BANK1: variants seen among roughly 807,000 people sequenced by gnomAD.
The protein encoded by BANK1 is B-cell scaffold protein with ankyrin repeats.
A neutral mutation model predicts 94.5 loss-of-function variants in BANK1; 95 were observed. The observed-to-expected ratio is 1.00, with a 90% CI of 0.85 to 1.19. BANK1 has a LOEUF of 1.19. BANK1 is among the 50% of genes most tolerant of loss of function. The pLI, the probability that BANK1 is intolerant of heterozygous loss-of-function variation, is 0.00. For missense variants in BANK1, 987 were observed against 932.2 expected (o/e 1.06, Z -0.77); for synonymous variants, 334 against 308.4 (o/e 1.08, Z -0.87).
chr4:101,791,150 G>A (rs1396433102), intron 1 of BANK1, among the ~76,000 whole-genome samples, 200 bp downstream of exon 1: 1 of 152,098 alleles, frequency 6.6e-6, no homozygotes, highest in South Asian at 2.1e-4. Context: ...GCATCTGGAC[G>A]CCACGAGGAG....
At chr4:102,056,622 G>A (rs1224859723) in intron 11 of BANK1, among the ~76,000 whole-genome samples, 2 of 151,780 alleles carry the variant, frequency 1.3e-5, no homozygotes, top group African/African-American at 2.4e-5. Context: ...GTATAATAAT[G>A]AGTGGCAGTT....
chr4:101,983,394 C>T (rs1330059045), intron 7 of BANK1, among the ~76,000 whole-genome samples: 1 of 152,062 alleles, frequency 6.6e-6, no homozygotes, highest in Non-Finnish European at 1.5e-5. Context: ...CACGTAGTAG[C>T]TGTTGTGACT....
intron 7 of BANK1, among the ~76,000 whole-genome samples, chr4:101,954,762 G>T (rs1006435938): frequency 6.6e-6 from 1 of 152,086 alleles, no homozygotes; most frequent in Non-Finnish European, 1.5e-5. Flanking sequence ...TGCAATTACT[G>T]AAACATAAGT....
chr4:101,897,863 G>C (rs948349724), intron 6 of BANK1, among the ~76,000 whole-genome samples: 1 of 151,590 alleles, frequency 6.6e-6, no homozygotes. Context: ...ATTGAATTTT[G>C]ACACAGAAAA....
chr4:101,840,029 C>T (rs1194062579), intron 2 of BANK1, among the ~76,000 whole-genome samples: 1 of 112,572 alleles, frequency 8.9e-6, no homozygotes, highest in East Asian at 2.9e-4. Context: ...AGTGCAGTGG[C>T]GGGATCTCGG....
At chr4:101,992,531 CAGTTCATAGAAACCATGTTAGAAA>C (rs1268906196) in intron 7 of BANK1, among the ~76,000 whole-genome samples, 34 of 152,222 alleles carry the variant, frequency 2.2e-4, no homozygotes, top group Middle Eastern at 3.4e-3. Context: ...ATGTGTGCAG[CAGTTCATAGAAACCATGTTAGAAA>C]AGTTCATAGA....
At chr4:102,071,617 T>C (rs1728765892) in intron 14 of BANK1, among the ~76,000 whole-genome samples, 1 of 152,220 alleles carries the variant, frequency 6.6e-6, no homozygotes, top group African/African-American at 2.4e-5. Flanking sequence ...TTTTCTCATA[T>C]GCAAAACGTA....
At chr4:102,039,342 T>C (rs1035824315) in intron 10 of BANK1, among the ~76,000 whole-genome samples, 3 of 152,140 alleles carry the variant, frequency 2.0e-5, no homozygotes, top group African/African-American at 7.2e-5. Context: ...TTGGTGAATT[T>C]GCAAAGAGGC....
intron 10 of BANK1, 142 bp from the exon 11 acceptor site, chr4:102,043,697 T>C: frequency 6.0e-6 from 3 of 502,766 alleles, no homozygotes; most frequent in Non-Finnish European, 7.2e-6. Context: ...AATTTGATAA[T>C]CTTCCTACTC....
chr4:101,986,604 T>C (rs1725488353), intron 7 of BANK1, among the ~76,000 whole-genome samples: 1 of 151,590 alleles, frequency 6.6e-6, no homozygotes, highest in African/African-American at 2.4e-5. Context: ...TTGGTAATTA[T>C]TATTATTATT....
intron 7 of BANK1, among the ~76,000 whole-genome samples, chr4:101,933,808 G>A (rs1199599473): frequency 3.3e-5 from 5 of 151,412 alleles, no homozygotes; most frequent in Non-Finnish European, 7.4e-5. Context: ...CAGATCTCAT[G>A]ACAGTGCTGA....
At chr4:101,978,534 G>C (rs1222400367) in intron 7 of BANK1, among the ~76,000 whole-genome samples, 1 of 151,904 alleles carries the variant, frequency 6.6e-6, no homozygotes. Context: ...TAATTACCAG[G>C]CATTCTTAAT....
chr4:101,913,101 T>C (rs563151229), intron 6 of BANK1, among the ~76,000 whole-genome samples: 1 of 152,318 alleles, frequency 6.6e-6, no homozygotes, highest in African/African-American at 2.4e-5. Flanking sequence ...CCAGCCCATC[T>C]GGTTTGTGCA....
In BANK1 at chr4:101,995,897, C is replaced by T. The variant is rs189076881; in HGVS notation, c.1207-25617C>T. On this transcript the variant is annotated intron_variant, in intron 7 of 16. Transcript: ENST00000322953. ...AAATTTTCTCCCATTCTGTAGGTTT[C>T]CTTTTCACTCTGATGATAGTTTTTT... 1.1e-3 allele frequency among the ~76,000 whole-genome samples: 166 copies of T among 152,188 alleles called. 1 individual carries two copies. Among genetic ancestry groups the T allele is most frequent in the African/African-American group, 4.0e-3 (165 of 41,528 alleles).
chr4:101,820,597 TTA>T (rs1452431148), intron 1 of BANK1, among the ~76,000 whole-genome samples: 4 of 152,298 alleles, frequency 2.6e-5, no homozygotes, highest in Non-Finnish European at 5.9e-5. Flanking sequence ...TACCCAATAG[TTA>T]TCTTTTCTGC....
intron 12 of BANK1, chr4:102,062,727 A>G: frequency 4.4e-6 from 1 of 228,072 alleles, no homozygotes; most frequent in Non-Finnish European, 8.8e-6. Context: ...TAGCCAATAC[A>G]GACCCCACAA....
intron 7 of BANK1, among the ~76,000 whole-genome samples, chr4:101,999,728 T>C (rs1032216260): frequency 2.0e-5 from 3 of 152,082 alleles, no homozygotes; most frequent in African/African-American, 4.8e-5. Flanking sequence ...GAGCTAAGTA[T>C]AGAATGTAAA....
intron 7 of BANK1, among the ~76,000 whole-genome samples, chr4:101,942,482 A>G (rs904580247): frequency 6.6e-6 from 1 of 151,916 alleles, no homozygotes; most frequent in African/African-American, 2.4e-5. Context: ...AATAACATGA[A>G]TAAGTGCACA....
In BANK1 at chr4:101,906,784, C is replaced by A. The variant is rs188344256; in HGVS notation, c.1010-11209C>A. 1.0e-3 allele frequency among the ~76,000 whole-genome samples: 156 copies of A among 152,238 alleles called. 1 individual carries two copies. The highest frequency in any genetic ancestry group is 4.5e-3 in the Admixed American group (69 of 15,290). ...TTAAGAGTACTAGGGTGTCTTCCAG[C>A]TAGTTTTCTGTTCCAACTGTTGCTC... On this transcript the variant is annotated intron_variant, in intron 6 of 16. Transcript: ENST00000322953.
Sources: gnomAD v4.1 joint callset for allele counts (sites outside exome capture counted in the v4.1 genomes callset) on GRCh38, gnomAD v4.1.1 for gene constraint, MANE v1.5 for transcripts, NCBI Gene and HGNC (gene_info 2026-07-23, HGNC 2026-07-21) for gene names.